Variants in ADAM10 observed in about 807,000 individuals in gnomAD.
ADAM10 encodes disintegrin and metalloproteinase domain-containing protein 10.
In ADAM10, 17 loss-of-function variants were observed where a neutral mutation model predicts 90.1. That is an observed-to-expected ratio of 0.19 (90% CI 0.13 to 0.28). The LOEUF (loss-of-function observed/expected upper bound fraction) is 0.28. Ranked by LOEUF, ADAM10 falls within the 10% of genes least tolerant of loss-of-function variation. The probability of loss-of-function intolerance (pLI) is 1.00; values close to 1 mark genes in which losing one functional copy is unlikely to be tolerated. For missense variants in ADAM10, 610 were observed against 914.3 expected, an observed-to-expected ratio of 0.67 and a Z score of 4.29; for synonymous variants, 310 against 298.6, an observed-to-expected ratio of 1.04 and a Z score of -0.40.
chr15:58,623,949 CT>C (rs1375995233), intron 10 of ADAM10, among the ~76,000 whole-genome samples: 1 of 149,588 alleles, frequency 6.7e-6, no homozygotes, highest in East Asian at 2.0e-4. Context: ...CCTACACATT[CT>C]GCACTTGTAT....
rs1195987191 is a variant in ADAM10, at chr15:58,589,665, A to C, written c.*7882T>G. The C allele has an allele frequency of 1.3e-5, 2 of 152,242 alleles. No individual in the cohort carries two copies. Among genetic ancestry groups the C allele is most frequent in the Non-Finnish European group, 2.9e-5 (2 of 68,072 alleles). The allele number at this position is 152,242 out of a possible 1,614,324, so 9.4% of individuals were successfully genotyped here. On this transcript the variant is annotated 3_prime_UTR_variant, in exon 16 of 16. Transcript: ENST00000260408. ...ACTGAGTGTAAATGATTCTCTCGAAAGTTTGGCTTAGATGAGGCAGGATTA... is the reference window on the plus strand; with the variant it reads ...ACTGAGTGTAAATGATTCTCTCGAACGTTTGGCTTAGATGAGGCAGGATTA...
At chr15:58,664,982 T>A (rs1251248522) in intron 5 of ADAM10, 115 bp downstream of exon 5, 1 of 846,988 alleles carries the variant, frequency 1.2e-6, no homozygotes, top group Admixed American at 1.9e-5. Flanking sequence ...TAAAAAACAT[T>A]CCCCACAGTG....
At chr15:58,601,256 G>A (rs8032036) in intron 14 of ADAM10, among the ~76,000 whole-genome samples, 5,497 of 152,196 alleles carry the variant, frequency 0.036, 114 homozygotes, top group African/African-American at 0.065. Context: ...GAGGTCAGGA[G>A]TTCGAGACTA....
intron 1 of ADAM10, among the ~76,000 whole-genome samples, chr15:58,734,124 A>G (rs1474232292): frequency 6.6e-6 from 1 of 152,196 alleles, no homozygotes. Context: ...TCTTAAATGT[A>G]CCCTGAAATC....
chr15:58,749,581 C>T lies in ADAM10; in HGVS notation c.-47G>A. 6.5e-7 allele frequency: 1 copy of T among 1,548,700 alleles called. No homozygotes were observed. The highest frequency in any genetic ancestry group is 1.2e-5 in the South Asian group (1 of 83,792). On this transcript the variant is annotated 5_prime_UTR_variant, in exon 1 of 16. Coordinates refer to ENST00000260408, the MANE Select transcript of ADAM10 (RefSeq NM_001110.4). ...CCGCCGCCTCCTCACGGGTTAACAG[C>T]AGCACATCGATCCGGAGGGAGAAGC...
At position 58,715,414 on chromosome 15, in the gene ADAM10, CA is replaced by C. The variant is rs201008048; in HGVS notation, c.206+2162del. Reference sequence around the variant, plus strand: ...CAGGCAACAGAGCAAGACTCTGTCTCAAAAAAAAAAAAAAAGTACCCTAAAA... The same window carrying C: ...CAGGCAACAGAGCAAGACTCTGTCTCAAAAAAAAAAAAAAGTACCCTAAAA... On this transcript the variant is annotated intron_variant, in intron 2 of 15. Coordinates refer to ENST00000260408, the MANE Select transcript of ADAM10 (RefSeq NM_001110.4). 3.4e-3 allele frequency among the ~76,000 whole-genome samples: 435 copies of C among 128,330 alleles called. 1 individual carries two copies. The highest frequency in any genetic ancestry group is 0.016 in the Middle Eastern group (4 of 246). The allele number at this position is 128,330 out of a possible 152,430, so 84.2% of individuals were successfully genotyped here.
chr15:58,691,412 G>C (rs1264074437), intron 2 of ADAM10: 1 of 702,434 alleles, frequency 1.4e-6, no homozygotes, highest in African/African-American at 1.7e-5. Context: ...AAGCAGAGTT[G>C]GCTACCTGCT....
chr15:58,726,319 T>C (rs1468889179), intron 1 of ADAM10, among the ~76,000 whole-genome samples: 3 of 151,930 alleles, frequency 2.0e-5, no homozygotes, highest in Non-Finnish European at 2.9e-5. Flanking sequence ...TAAAAGTTTA[T>C]ATTGAGAGGC....
intron 1 of ADAM10, among the ~76,000 whole-genome samples, chr15:58,733,310 C>T (rs761969792): frequency 6.6e-6 from 1 of 152,038 alleles, no homozygotes; most frequent in South Asian, 2.1e-4. Flanking sequence ...CCTGGTGGTT[C>T]TTCATCCCCT....
intron 2 of ADAM10, among the ~76,000 whole-genome samples, chr15:58,685,158 A>C (rs1379422538): frequency 8.5e-6 from 1 of 118,134 alleles, no homozygotes; most frequent in East Asian, 3.6e-4. Flanking sequence ...AGTTATATTA[A>C]GTAAAAAAAA....
At chr15:58,635,013 A>G (rs1366122806) in intron 8 of ADAM10, among the ~76,000 whole-genome samples, 1 of 152,096 alleles carries the variant, frequency 6.6e-6, no homozygotes, top group Non-Finnish European at 1.5e-5. Context: ...TACAAATTTG[A>G]ATTACTGTTA....
chr15:58,729,614 C>A (rs1375401194), intron 1 of ADAM10, among the ~76,000 whole-genome samples: 1 of 152,148 alleles, frequency 6.6e-6, no homozygotes, highest in Non-Finnish European at 1.5e-5. Context: ...ATCCAAAAAT[C>A]TGAAATCCAA....
At chr15:58,729,747 T>A (rs529712117) in intron 1 of ADAM10, among the ~76,000 whole-genome samples, 2 of 152,234 alleles carry the variant, frequency 1.3e-5, no homozygotes, top group East Asian at 3.9e-4. Flanking sequence ...GCGGATCACT[T>A]GAGGTCAGGA....
intron 7 of ADAM10, 121 bp from the exon 8 acceptor site, chr15:58,641,081 T>C (rs987198919): frequency 1.0e-6 from 1 of 958,660 alleles, no homozygotes; most frequent in Non-Finnish European, 1.6e-6. Context: ...CAGGCCTGAA[T>C]TAAGGCTTCT....
intron 2 of ADAM10, chr15:58,686,286 A>G: frequency 1.7e-6 from 1 of 586,824 alleles, no homozygotes; most frequent in Non-Finnish European, 3.0e-6. Context: ...GTCATTTAAT[A>G]GAGAACCCAG....
intron 1 of ADAM10, among the ~76,000 whole-genome samples, chr15:58,728,105 C>T (rs1216216583): frequency 6.6e-6 from 1 of 152,184 alleles, no homozygotes; most frequent in Non-Finnish European, 1.5e-5. Context: ...CCACAAAGCA[C>T]GTTTCCACAA....
At chr15:58,604,483 T>A (rs2140991837) in intron 14 of ADAM10, among the ~76,000 whole-genome samples, 1 of 152,318 alleles carries the variant, frequency 6.6e-6, no homozygotes, top group African/African-American at 2.4e-5. Flanking sequence ...TGGCCTGTCT[T>A]CTCTATCCCA....
At chr15:58,648,530 C>A (rs1238856822) in intron 5 of ADAM10, among the ~76,000 whole-genome samples, 1 of 151,986 alleles carries the variant, frequency 6.6e-6, no homozygotes, top group African/African-American at 2.4e-5. Context: ...TGTGAAAATT[C>A]TATTTAAAGA....
At chr15:58,628,366 G>A (rs978849534) in intron 9 of ADAM10, among the ~76,000 whole-genome samples, 1 of 152,048 alleles carries the variant, frequency 6.6e-6, no homozygotes, top group African/African-American at 2.4e-5. Flanking sequence ...TAACTTAATA[G>A]CCAATATATA....
Sources: allele counts gnomAD v4.1 joint callset (sites outside exome capture counted in the v4.1 genomes callset), GRCh38; gene constraint gnomAD v4.1.1; transcripts MANE v1.5; gene names NCBI Gene and HGNC (gene_info 2026-07-23, HGNC 2026-07-21).